SENP2: variants seen among roughly 807,000 people sequenced by gnomAD.
The protein encoded by SENP2 is SUMO specific peptidase 2.
SENP2 carries 16 observed loss-of-function variants against 86.3 expected under a neutral mutation model. The observed-to-expected ratio is 0.19, with a 90% confidence interval of 0.13 to 0.28. The LOEUF (loss-of-function observed/expected upper bound fraction) is 0.28. Ranked by LOEUF, SENP2 falls within the 10% of genes least tolerant of loss-of-function variation. The pLI is 1.00. For synonymous variants in SENP2, 222 were observed against 238.7 expected (o/e 0.93, Z 0.64); for missense variants, 552 against 703.0 (o/e 0.79, Z 2.43).
intron 15 of SENP2, among the ~76,000 whole-genome samples, chr3:185,625,142 C>T (rs1712083095): frequency 1.3e-5 from 2 of 150,186 alleles, no homozygotes; most frequent in East Asian, 2.0e-4. Context: ...GACGGAGTCT[C>T]GCTCTGTCGC....
chr3:185,630,437 C>G lies in SENP2; in HGVS notation c.*593C>G, dbSNP rs1712408075. Reference sequence around the variant, plus strand: ...TTTTTTTGTTTTTGTTTTTTTGAGGCTCAAAAAATGCTGGGAGAAATGAAA... The same window carrying G: ...TTTTTTTGTTTTTGTTTTTTTGAGGGTCAAAAAATGCTGGGAGAAATGAAA... On this transcript the variant is annotated 3_prime_UTR_variant, in exon 17 of 17. Transcript: ENST00000296257. 1 of 153,114 alleles carries G rather than the reference C, an allele frequency of 6.5e-6. No individual in the cohort carries two copies. Among genetic ancestry groups the G allele is most frequent in the Admixed American group, 6.5e-5 (1 of 15,498 alleles). 9.5% of individuals were successfully genotyped at this position (153,114 alleles called of 1,614,324 possible).
intron 11 of SENP2, among the ~76,000 whole-genome samples, chr3:185,615,710 C>T (rs1418557481): frequency 1.3e-5 from 2 of 152,150 alleles, no homozygotes; most frequent in African/African-American, 2.4e-5. Flanking sequence ...CATTTATCTG[C>T]ATAATTCTTT....
Position 185,599,025 on chromosome 3 carries a change from G to A in SENP2, c.358+1G>A, listed in dbSNP as rs1458541241. 1 of 1,609,706 alleles carries A rather than the reference G, an allele frequency of 6.2e-7. No homozygotes were observed. The highest frequency in any genetic ancestry group is 8.5e-7 in the Non-Finnish European group (1 of 1,178,208). On this transcript the variant is annotated splice_donor_variant, in intron 4 of 16. Coordinates refer to ENST00000296257, the MANE Select transcript of SENP2 (RefSeq NM_021627.3). LOFTEE classifies it high-confidence loss of function. ...TCCTGGAACAACATGCTGAAACTGG[G>A]TGAGGTGGTCAAAAATATTTCTGTT...
At chr3:185,623,101 G>T (rs942579023) in intron 14 of SENP2, among the ~76,000 whole-genome samples, 28 of 151,828 alleles carry the variant, frequency 1.8e-4, no homozygotes, top group African/African-American at 6.3e-4. Flanking sequence ...ACAGGCGTGA[G>T]CCACCGTGCC....
intron 1 of SENP2, among the ~76,000 whole-genome samples, chr3:185,588,185 G>T (rs1368138410): frequency 6.8e-6 from 1 of 147,784 alleles, no homozygotes; most frequent in East Asian, 2.0e-4. Context: ...AGCCTCCCGA[G>T]TAGCTGGGAC....
chr3:185,623,487 C>T lies in SENP2; in HGVS notation c.1527-511C>T, dbSNP rs1711987912. 1.3e-5 allele frequency among the ~76,000 whole-genome samples: 2 copies of T among 152,184 alleles called. 1 individual carries two copies. The highest frequency in any genetic ancestry group is 4.1e-4 in the South Asian group (2 of 4,826). On this transcript the variant is annotated intron_variant, in intron 14 of 16. Coordinates refer to ENST00000296257, the MANE Select transcript of SENP2 (RefSeq NM_021627.3). Reference sequence around the variant, plus strand: ...TTTGGTGGGGGCATCTAATGCTTATCAACCTGATATATATTTCAACTTTTA... The same window carrying T: ...TTTGGTGGGGGCATCTAATGCTTATTAACCTGATATATATTTCAACTTTTA...
chr3:185,629,965 C>A lies in SENP2; in HGVS notation c.*121C>A. ...TCTGTTCTCACAGGTACTGAGCTGT[C>A]AAAAGTGCATGAAGGCCTCTCACTG... is the stretch of plus-strand genomic sequence containing the variant. On this transcript the variant is annotated 3_prime_UTR_variant, in exon 17 of 17. Coordinates refer to ENST00000296257, the MANE Select transcript of SENP2 (RefSeq NM_021627.3). 3 of 976,392 alleles carry A rather than the reference C, an allele frequency of 3.1e-6. No homozygotes were observed. The highest frequency in any genetic ancestry group is 1.6e-5 in the African/African-American group (1 of 62,966). The allele number at this position is 976,392 out of a possible 1,614,324, so 60.5% of individuals were successfully genotyped here.
At chr3:185,622,975 C>T (rs1001434558) in intron 14 of SENP2, among the ~76,000 whole-genome samples, 4 of 151,836 alleles carry the variant, frequency 2.6e-5, no homozygotes, top group African/African-American at 9.7e-5. Context: ...CGTCACTATG[C>T]CCGGCTAATT....
chr3:185,613,910 C>G (rs1711506346), intron 10 of SENP2, among the ~76,000 whole-genome samples: 1 of 150,450 alleles, frequency 6.6e-6, no homozygotes, highest in East Asian at 1.9e-4. Context: ...AGTTTTGCCT[C>G]TGTACAGTAG....
At position 185,623,982 on chromosome 3, in the gene SENP2, T is replaced by C. The variant is rs1712019129; in HGVS notation, c.1527-16T>C. ...AGGGATTTATTGATGTATTCCTTCT[T>C]TGTTTTGCTTTTTAGTCAGTATTTA... On this transcript the variant is annotated splice_polypyrimidine_tract_variant and intron_variant, in intron 14 of 16. Coordinates refer to ENST00000296257, the MANE Select transcript of SENP2 (RefSeq NM_021627.3). 4 of 1,507,518 alleles carry C rather than the reference T, an allele frequency of 2.7e-6. No individual in the cohort carries two copies. The African/African-American group carries it at 4.1e-5, about 16-fold the overall frequency. The allele number at this position is 1,507,518 out of a possible 1,614,324, so 93.4% of individuals were successfully genotyped here. A position where few individuals can be genotyped will look rare whatever the true frequency, so the allele number is the denominator to read the frequency against.
rs544452036 is a variant in SENP2 at position 185,625,354 on chromosome 3, G to A, written c.1612-944G>A. Among the ~76,000 whole-genome samples, 124 of 152,024 alleles carry A rather than the reference G, an allele frequency of 8.2e-4. 1 individual carries two copies. In the South Asian group the frequency reaches 0.024, roughly 29 times the overall value. ...TCTTGATCTCCTGACCTCGTGATCCGCCCGCCTCTGCCTCCCAAAGTGCTG... is the reference window on the plus strand; with the variant it reads ...TCTTGATCTCCTGACCTCGTGATCCACCCGCCTCTGCCTCCCAAAGTGCTG... On this transcript the variant is annotated intron_variant, in intron 15 of 16. Transcript: ENST00000296257.
At chr3:185,592,757 C>T (rs1722049175) in intron 2 of SENP2, among the ~76,000 whole-genome samples, 3 of 152,040 alleles carry the variant, frequency 2.0e-5, no homozygotes, top group Admixed American at 2.0e-4. Context: ...GCTGGGACTA[C>T]AGGTGCCCAC....
At chr3:185,597,755 G>A (rs570181875) in intron 2 of SENP2, among the ~76,000 whole-genome samples, 3 of 151,896 alleles carry the variant, frequency 2.0e-5, no homozygotes, top group African/African-American at 7.2e-5. Flanking sequence ...CTGGGTTCAA[G>A]CGATTCTCCT....
intron 2 of SENP2, among the ~76,000 whole-genome samples, chr3:185,590,898 C>CAT (rs1721966225): frequency 8.6e-6 from 1 of 116,582 alleles, no homozygotes; most frequent in Non-Finnish European, 1.7e-5. Context: ...AAAAGAAAGT[C>CAT]TCCTTTTTTT....
chr3:185,627,644 C>T (rs554937370), intron 16 of SENP2, among the ~76,000 whole-genome samples: 36 of 152,302 alleles, frequency 2.4e-4, no homozygotes, highest in Admixed American at 8.5e-4. Flanking sequence ...AACTCCTGAC[C>T]TCGTGATCCA....
chr3:185,629,294 C>T (rs1232259291), intron 16 of SENP2, among the ~76,000 whole-genome samples: 9 of 152,128 alleles, frequency 5.9e-5, no homozygotes, highest in African/African-American at 1.9e-4. Context: ...TATGGTAGGC[C>T]GCCTGTGGTG....
At chr3:185,626,545 G>T in intron 16 of SENP2, 152 bp downstream of exon 16, 1 of 530,740 alleles carries the variant, frequency 1.9e-6, no homozygotes, top group East Asian at 3.2e-5. Flanking sequence ...GGCCGAGGCG[G>T]GTGGACCACC....
intron 2 of SENP2, among the ~76,000 whole-genome samples, chr3:185,595,399 G>A (rs1191658127): frequency 6.6e-6 from 1 of 152,150 alleles, no homozygotes; most frequent in Non-Finnish European, 1.5e-5. Flanking sequence ...GGAATTCTCT[G>A]ATTCCTAAAA....
At chr3:185,612,688 CTT>C in intron 9 of SENP2, 30 bp downstream of exon 9, 1 of 1,473,654 alleles carries the variant, frequency 6.8e-7, no homozygotes, top group Non-Finnish European at 9.4e-7. Flanking sequence ...TCTACACTTT[CTT>C]TTAATATATA....
Sources: allele counts gnomAD v4.1 joint callset (sites outside exome capture counted in the v4.1 genomes callset), GRCh38; gene constraint gnomAD v4.1.1; transcripts MANE v1.5; gene names NCBI Gene and HGNC (gene_info 2026-07-23, HGNC 2026-07-21).